GFPT2: variants seen among roughly 807,000 people sequenced by gnomAD.
GFPT2 encodes the protein glutamine--fructose-6-phosphate aminotransferase [isomerizing] 2.
In GFPT2, 62 loss-of-function variants were observed where a neutral mutation model predicts 85.6. The ratio of observed to expected loss-of-function variants is 0.72; its 90% CI spans 0.59 to 0.90. The LOEUF (loss-of-function observed/expected upper bound fraction) is 0.90, where lower values mean the gene tolerates loss of function less well. GFPT2 is among the 40% of genes least tolerant of loss of function. GFPT2 has a pLI of 0.00. For synonymous variants in GFPT2, 368 were observed against 344.5 expected (o/e 1.07, Z -0.75); for missense variants, 788 against 893.4 (o/e 0.88, Z 1.50).
intron 13 of GFPT2, among the ~76,000 whole-genome samples, chr5:180,314,566 A>G (rs567016440): frequency 6.6e-6 from 1 of 152,340 alleles, no homozygotes; most frequent in East Asian, 1.9e-4. Context: ...GCCAGACTAT[A>G]AAATCAAAAC....
chr5:180,316,647 T>A, intron 12 of GFPT2, 117 bp downstream of exon 12: 1 of 904,506 alleles, frequency 1.1e-6, no homozygotes, highest in Non-Finnish European at 1.7e-6. Flanking sequence ...CGCTAGCTCA[T>A]GGGAATGGGT....
intron 9 of GFPT2, among the ~76,000 whole-genome samples, chr5:180,320,761 C>T (rs186795047): frequency 2.6e-5 from 4 of 152,096 alleles, no homozygotes; most frequent in Admixed American, 2.6e-4. Flanking sequence ...AGCAAGACTC[C>T]GTCTCAAAAA....
At chr5:180,343,536 C>G (rs1012260320) in intron 1 of GFPT2, among the ~76,000 whole-genome samples, 6 of 152,402 alleles carry the variant, frequency 3.9e-5, no homozygotes, top group African/African-American at 1.4e-4. Flanking sequence ...AGCCCTCTTG[C>G]GTAGTGACAT....
At chr5:180,303,475 G>A (rs924820098) in intron 17 of GFPT2, among the ~76,000 whole-genome samples, 16 of 152,236 alleles carry the variant, frequency 1.1e-4, no homozygotes, top group African/African-American at 3.9e-4. Context: ...GACGCAGAAG[G>A]AAAGCTGGAG....
intron 9 of GFPT2, among the ~76,000 whole-genome samples, chr5:180,319,606 G>A (rs1581376041): frequency 1.3e-5 from 2 of 152,110 alleles, no homozygotes; most frequent in African/African-American, 4.8e-5. Context: ...GAAACCAGAA[G>A]GTAAAAAGCT....
At chr5:180,340,475 G>C (rs1218311068) in intron 1 of GFPT2, among the ~76,000 whole-genome samples, 1 of 150,824 alleles carries the variant, frequency 6.6e-6, no homozygotes, top group Non-Finnish European at 1.5e-5. Flanking sequence ...CAAAGTGCTG[G>C]GATTACAGGC....
chr5:180,345,777 T>C (rs1199126309), intron 1 of GFPT2, among the ~76,000 whole-genome samples: 2 of 152,074 alleles, frequency 1.3e-5, no homozygotes, highest in Non-Finnish European at 2.9e-5. Context: ...CCAGAGAAGG[T>C]AGCCTTTGAG....
chr5:180,346,421 C>G (rs371787673), intron 1 of GFPT2, among the ~76,000 whole-genome samples: 1 of 152,208 alleles, frequency 6.6e-6, no homozygotes, highest in Non-Finnish European at 1.5e-5. Flanking sequence ...AGCCCCACCA[C>G]GGGACAGTCC....
chr5:180,318,137 A>G lies in GFPT2; in HGVS notation c.958+656T>C, dbSNP rs142379369. Among the ~76,000 whole-genome samples the G allele has an allele frequency of 1.4e-3, 210 of 152,254 alleles. No homozygotes were observed. Among genetic ancestry groups the G allele is most frequent in the Non-Finnish European group, 2.6e-3 (178 of 68,012 alleles). On this transcript the variant is annotated intron_variant, in intron 10 of 18. Coordinates refer to ENST00000253778, the MANE Select transcript of GFPT2 (RefSeq NM_005110.4). This position sits in a 1 kb window ranked among gnomAD's most constrained non-coding sequence, Gnocchi z 4.2. ...GAGCTGGAGGCAATGAAAAGGAACCAGTCCTATGAGAAGAACAGCGAATGC... is the reference window on the plus strand; with the variant it reads ...GAGCTGGAGGCAATGAAAAGGAACCGGTCCTATGAGAAGAACAGCGAATGC...
Position 180,314,087 on chromosome 5 carries a change from T to A in GFPT2, c.1274-123A>T, listed in dbSNP as rs189041685. On this transcript the variant is annotated intron_variant, in intron 13 of 18. Coordinates refer to ENST00000253778, the MANE Select transcript of GFPT2 (RefSeq NM_005110.4). ...CGCCCGAGACACAGCCAGCGGGTGTTCAGAAAGGAAAACGCTCGCTCAACA... is the reference window on the plus strand; with the variant it reads ...CGCCCGAGACACAGCCAGCGGGTGTACAGAAAGGAAAACGCTCGCTCAACA... 2,753 of 960,086 alleles carry A rather than the reference T, an allele frequency of 2.9e-3. 8 individuals carry two copies. The highest frequency in any genetic ancestry group is 3.5e-3 in the Non-Finnish European group (2,381 of 674,576). The allele number at this position is 960,086 out of a possible 1,614,324, so 59.5% of individuals were successfully genotyped here. A position where few individuals can be genotyped will look rare whatever the true frequency, so the allele number is the denominator to read the frequency against.
intron 7 of GFPT2, among the ~76,000 whole-genome samples, chr5:180,326,995 T>C (rs954150927): frequency 1.3e-5 from 2 of 152,234 alleles, no homozygotes; most frequent in African/African-American, 4.8e-5. Flanking sequence ...TTTATAATTC[T>C]ATGAATTGAA....
intron 1 of GFPT2, 39 bp downstream of exon 1, chr5:180,353,172 C>A (rs1764751221): frequency 6.5e-6 from 8 of 1,231,130 alleles, no homozygotes; most frequent in Admixed American, 4.2e-5. Context: ...GACCCGCGGA[C>A]GGCGTGGAGG....
chr5:180,349,643 G>A (rs1226971415), intron 1 of GFPT2, among the ~76,000 whole-genome samples: 1 of 152,030 alleles, frequency 6.6e-6, no homozygotes, highest in East Asian at 1.9e-4. Flanking sequence ...GCCTCTGGAG[G>A]AGGCTCAGCC....
At chr5:180,309,349 A>C (rs1763834621) in intron 15 of GFPT2, among the ~76,000 whole-genome samples, 1 of 152,168 alleles carries the variant, frequency 6.6e-6, no homozygotes, top group African/African-American at 2.4e-5. Flanking sequence ...ACAAACACCA[A>C]AATCAGCTTG....
chr5:180,340,495 C>T (rs1764493149), intron 1 of GFPT2, among the ~76,000 whole-genome samples: 1 of 148,594 alleles, frequency 6.7e-6, no homozygotes, highest in Admixed American at 6.8e-5. Context: ...CGTGAGCCAC[C>T]CTGCCTGGCC....
At chr5:180,344,755 C>T (rs573189633) in intron 1 of GFPT2, among the ~76,000 whole-genome samples, 1 of 152,332 alleles carries the variant, frequency 6.6e-6, no homozygotes, top group East Asian at 1.9e-4. Flanking sequence ...CAGGGGACGC[C>T]AGGCCTGCCC....
chr5:180,324,397 T>G, intron 8 of GFPT2, 92 bp from the exon 9 acceptor site: 1 of 781,488 alleles, frequency 1.3e-6, no homozygotes, highest in Admixed American at 2.5e-5. Flanking sequence ...TGAATATGTG[T>G]GGGAGAAATT....
rs1358763197 is a variant in GFPT2 at position 180,302,572 on chromosome 5, T to C, written c.1855A>G (p.Ile619Val). The change falls in exon 18 of 19, where the codon ATA (isoleucine) becomes GTA (valine). Residue 619 changes from isoleucine to valine, a missense_variant. Physicochemically the swap from Ile to Val is conservative, Grantham distance 29. Transcript: ENST00000253778. ...QVTARQGRPI[I>V]LCSKDDTESS... ...TCAGTATCGTCCTTGGAGCACAGTA[T>C]AATGGGGCGACCCTAGAGCAGAGAA... is the stretch of plus-strand genomic sequence containing the variant. The C allele has an allele frequency of 2.5e-6, 4 of 1,613,442 alleles. No individual in the cohort carries two copies. The highest frequency in any genetic ancestry group is 3.4e-6 in the Non-Finnish European group (4 of 1,179,486).
chr5:180,333,463 C>T (rs564085139), intron 4 of GFPT2, among the ~76,000 whole-genome samples: 265 of 151,984 alleles, frequency 1.7e-3, no homozygotes, highest in Non-Finnish European at 2.9e-3. Context: ...CTCGATCTCC[C>T]GACCTCATGG....
Sources: allele counts gnomAD v4.1 joint callset (sites outside exome capture counted in the v4.1 genomes callset), GRCh38; gene constraint gnomAD v4.1.1; non-coding constraint Gnocchi (gnomAD v3.1); transcripts MANE v1.5; gene names NCBI Gene and HGNC (gene_info 2026-07-23, HGNC 2026-07-21).